Variants in SHISA6 observed in about 807,000 individuals in gnomAD.
The protein encoded by SHISA6 is shisa family member 6.
Under a neutral mutation model 47.9 loss-of-function variants are expected in SHISA6, and 22 were observed. That is an observed-to-expected ratio of 0.46 (90% CI 0.33 to 0.66). SHISA6 has a LOEUF of 0.66. Ranked by LOEUF, SHISA6 falls within the 30% of genes least tolerant of loss-of-function variation. SHISA6 has a pLI of 0.02. For synonymous variants in SHISA6, 388 were observed against 337.8 expected, an observed-to-expected ratio of 1.15 and a Z score of -1.63; for missense variants, 680 against 764.6, an observed-to-expected ratio of 0.89 and a Z score of 1.30.
intron 2 of SHISA6, among the ~76,000 whole-genome samples, chr17:11,363,589 T>C (rs977418300): frequency 6.6e-6 from 1 of 152,158 alleles, no homozygotes; most frequent in Non-Finnish European, 1.5e-5. Flanking sequence ...CCTCTTGTTG[T>C]TATAGTTGGG....
intron 3 of SHISA6, among the ~76,000 whole-genome samples, chr17:11,462,224 T>C (rs17699601): frequency 0.065 from 9,894 of 152,244 alleles, 389 homozygotes; most frequent in Non-Finnish European, 0.089. Context: ...AGTGTGAGAC[T>C]GTGTTCTGTA....
chr17:11,466,545 G>T (rs1001852640), intron 3 of SHISA6, among the ~76,000 whole-genome samples: 6 of 152,112 alleles, frequency 3.9e-5, no homozygotes, highest in Non-Finnish European at 1.5e-5. Context: ...CCACCAGTGG[G>T]TGTGCCCCAT....
chr17:11,246,418 AAGC>A (rs1907594755), intron 1 of SHISA6, among the ~76,000 whole-genome samples: 1 of 152,190 alleles, frequency 6.6e-6, no homozygotes, highest in Non-Finnish European at 1.5e-5. Flanking sequence ...TGAACCTGGG[AAGC>A]AGAGGTTGTA....
At chr17:11,493,318 C>T (rs113120769) in intron 3 of SHISA6, among the ~76,000 whole-genome samples, 71 of 152,246 alleles carry the variant, frequency 4.7e-4, no homozygotes, top group Middle Eastern at 3.4e-3. Flanking sequence ...GTATCCACCA[C>T]GGAGTTCAAG....
chr17:11,269,041 TCTGTTTTG>T (rs1388126930), intron 2 of SHISA6, among the ~76,000 whole-genome samples: 2 of 146,124 alleles, frequency 1.4e-5, no homozygotes, highest in African/African-American at 2.7e-5. Context: ...TTTTTGTTTG[TCTGTTTTG>T]TTTTTTTTTT....
intron 2 of SHISA6, among the ~76,000 whole-genome samples, chr17:11,316,932 T>C (rs1181581665): frequency 6.6e-6 from 1 of 152,202 alleles, no homozygotes; most frequent in African/African-American, 2.4e-5. Context: ...TTTTTATGTT[T>C]ACATTAGAAA....
chr17:11,548,293 T>G (rs1275131161), intron 3 of SHISA6, among the ~76,000 whole-genome samples: 2 of 151,982 alleles, frequency 1.3e-5, no homozygotes, highest in Non-Finnish European at 2.9e-5. Context: ...CCTCCGAACA[T>G]CCAAAAAACA....
At chr17:11,491,989 TCG>T (rs1272088129) in intron 3 of SHISA6, among the ~76,000 whole-genome samples, 1 of 152,108 alleles carries the variant, frequency 6.6e-6, no homozygotes, top group Non-Finnish European at 1.5e-5. Context: ...CAGGATGGTC[TCG>T]ATCTCTTGAC....
At chr17:11,485,590 C>T (rs72809013) in intron 3 of SHISA6, among the ~76,000 whole-genome samples, 2 of 152,034 alleles carry the variant, frequency 1.3e-5, no homozygotes, top group African/African-American at 2.4e-5. Flanking sequence ...GACGGCCACG[C>T]GCACTGAGTG....
chr17:11,526,080 A>C (rs905899375), intron 3 of SHISA6, among the ~76,000 whole-genome samples: 7 of 149,402 alleles, frequency 4.7e-5, no homozygotes, highest in Non-Finnish European at 8.9e-5. Flanking sequence ...GTAAAAGCAC[A>C]CATGATGGTG....
rs1183657144 is a variant in SHISA6, at chr17:11,562,859, C to G, written c.*4555C>G. The G allele has an allele frequency of 2.0e-5, 3 of 152,436 alleles. No homozygotes were observed. The highest frequency in any genetic ancestry group is 4.4e-5 in the Non-Finnish European group (3 of 68,218). 9.4% of individuals were successfully genotyped at this position (152,436 alleles called of 1,614,324 possible). On this transcript the variant is annotated 3_prime_UTR_variant, in exon 6 of 6. Coordinates refer to ENST00000441885, the MANE Select transcript of SHISA6 (RefSeq NM_207386.4). Reference sequence around the variant, plus strand: ...TGTCCTCAGATGTCCTGGACAGCCACCGCACTCCTCACTAGAGCCTGGGGT... The same window carrying G: ...TGTCCTCAGATGTCCTGGACAGCCAGCGCACTCCTCACTAGAGCCTGGGGT...
chr17:11,411,929 T>C (rs1019288346), intron 3 of SHISA6, among the ~76,000 whole-genome samples: 1 of 152,244 alleles, frequency 6.6e-6, no homozygotes, highest in African/African-American at 2.4e-5. Flanking sequence ...AATTCATAAA[T>C]GCCTACCAAT....
At chr17:11,523,259 G>A (rs1392209030) in intron 3 of SHISA6, among the ~76,000 whole-genome samples, 1 of 152,200 alleles carries the variant, frequency 6.6e-6, no homozygotes, top group Admixed American at 6.5e-5. Flanking sequence ...ACCCCCCGTT[G>A]GCTCCGATCG....
Position 11,403,046 on chromosome 17 carries a change from C to T in SHISA6, c.895+23537C>T, listed in dbSNP as rs2142265821. 1.3e-5 allele frequency among the ~76,000 whole-genome samples: 2 copies of T among 152,330 alleles called. 1 individual carries two copies. The highest frequency in any genetic ancestry group is 3.9e-4 in the East Asian group (2 of 5,184). On this transcript the variant is annotated intron_variant, in intron 3 of 5. Transcript: ENST00000441885. Reference sequence around the variant, plus strand: ...CATGGAGGAGGGTTGAAGGAAAATTCTTCCCCATGTGGCTTGGGATCCCAG... The same window carrying T: ...CATGGAGGAGGGTTGAAGGAAAATTTTTCCCCATGTGGCTTGGGATCCCAG...
chr17:11,368,991 C>T (rs1368210592), intron 2 of SHISA6, among the ~76,000 whole-genome samples: 2 of 152,192 alleles, frequency 1.3e-5, no homozygotes, highest in African/African-American at 2.4e-5. Context: ...ATCCCTTCCT[C>T]ATGAGCGAGG....
intron 2 of SHISA6, among the ~76,000 whole-genome samples, chr17:11,331,153 G>A (rs1218901163): frequency 2.0e-5 from 3 of 152,170 alleles, no homozygotes; most frequent in East Asian, 1.9e-4. Context: ...ATGTGGAGGC[G>A]TGGCTTTCCT....
At chr17:11,536,647 G>A (rs2071790673) in intron 3 of SHISA6, among the ~76,000 whole-genome samples, 1 of 152,052 alleles carries the variant, frequency 6.6e-6, no homozygotes, top group Non-Finnish European at 1.5e-5. Context: ...GCCTCCATAG[G>A]GAGCCCACCT....
At position 11,557,828 on chromosome 17, in the gene SHISA6, C is replaced by G; in HGVS notation, c.1180C>G (p.Leu394Val). The part of the protein sequence containing the change: ...PDLAARGTLP[L>V]NVIQMSQQKP... ...CCTGGCTGCCCGCGGCACCCTCCCC[C>G]TCAATGTCATCCAGATGTCCCAACA... Residue 394 changes from leucine to valine, a missense_variant, in exon 6 of 6, where the codon CTC (leucine) becomes GTC (valine). Transcript: ENST00000441885. The G allele has an allele frequency of 6.4e-7, 1 of 1,551,420 alleles. No individual in the cohort carries two copies. Among genetic ancestry groups the G allele is most frequent in the Non-Finnish European group, 8.7e-7 (1 of 1,146,994 alleles).
intron 3 of SHISA6, among the ~76,000 whole-genome samples, chr17:11,401,112 A>G (rs1913758031): frequency 6.6e-6 from 1 of 152,118 alleles, no homozygotes; most frequent in African/African-American, 2.4e-5. Flanking sequence ...TTACCTGGGA[A>G]CTCTATACCT....
Sources: gnomAD v4.1 joint callset for allele counts (sites outside exome capture counted in the v4.1 genomes callset) on GRCh38, gnomAD v4.1.1 for gene constraint, MANE v1.5 for transcripts, NCBI Gene and HGNC (gene_info 2026-07-23, HGNC 2026-07-21) for gene names.